LIPA: variants seen among roughly 807,000 people sequenced by gnomAD.
LIPA encodes the protein lipase A, lysosomal acid type.
Under a neutral mutation model 40.6 loss-of-function variants are expected in LIPA, and 26 were observed. The observed-to-expected ratio is 0.64, with a 90% CI of 0.47 to 0.89. LIPA has a LOEUF of 0.89. LIPA is among the 40% of genes least tolerant of loss of function. LIPA has a pLI of 0.00. For synonymous variants in LIPA, 188 were observed against 168.4 expected (o/e 1.12, Z -0.90); for missense variants, 455 against 479.6 (o/e 0.95, Z 0.48).
Position 89,356,840 on chromosome 10 carries a change from G to T in LIPA, c.61+55951C>A, listed in dbSNP as rs148313824. ...CAAAACCAGTCCCTGGTGCCAAAAA[G>T]GTTGGGGATTGCTGCTTGAGGGGTT... On this transcript the variant is annotated intron_variant, in intron 2 of 8. Transcript: ENST00000371837. Among the ~76,000 whole-genome samples, 284 of 152,328 alleles carry T rather than the reference G, an allele frequency of 1.9e-3. 1 individual carries two copies. The highest frequency in any genetic ancestry group is 3.4e-3 in the Middle Eastern group (1 of 294).
chr10:89,353,723 G>A (rs1286603423), intron 2 of LIPA, among the ~76,000 whole-genome samples: 7 of 152,080 alleles, frequency 4.6e-5, no homozygotes, highest in Non-Finnish European at 7.4e-5. Flanking sequence ...GGCAGATCAC[G>A]AGGTCAGAAG....
intron 1 of LIPA, among the ~76,000 whole-genome samples, chr10:89,314,271 G>A (rs1322007479): frequency 6.6e-6 from 1 of 152,194 alleles, no homozygotes; most frequent in Non-Finnish European, 1.5e-5. Flanking sequence ...TCATACGCAG[G>A]AACCTTACTG....
intron 1 of LIPA, among the ~76,000 whole-genome samples, chr10:89,258,269 G>T (rs1278995467): frequency 6.6e-6 from 1 of 152,040 alleles, no homozygotes; most frequent in Non-Finnish European, 1.5e-5. Flanking sequence ...TTAAGTCATA[G>T]AAAAATTAAC....
Position 89,282,628 on chromosome 10 carries a change from G to A in LIPA, c.-1-34979C>T, listed in dbSNP as rs190868816. The stretch of plus-strand genomic sequence containing the variant: ...GCACTCCAGCCTGGGTAACAAGAGC[G>A]AAACTCCGTCTCAAAAAAATAAAAA... On this transcript the variant is annotated intron_variant, in intron 1 of 5. Coordinates refer to the LIPA transcript ENST00000282673. Among the ~76,000 whole-genome samples the A allele has an allele frequency of 4.7e-3, 714 of 151,754 alleles. 4 individuals are homozygous for A. Among genetic ancestry groups the A allele is most frequent in the African/African-American group, 0.016 (681 of 41,340 alleles).
chr10:89,338,435 A>C (rs894066881), intron 1 of LIPA: 1 of 518,160 alleles, frequency 1.9e-6, no homozygotes, highest in Non-Finnish European at 3.4e-6. Flanking sequence ...CCTCAACAGA[A>C]TGGATAATGC....
intron 1 of LIPA, among the ~76,000 whole-genome samples, chr10:89,316,545 G>C (rs1355428730): frequency 6.6e-6 from 1 of 152,234 alleles, no homozygotes; most frequent in African/African-American, 2.4e-5. Context: ...GCTGAGGCTT[G>C]AGTAGGTAAA....
rs1269540620 is a variant in LIPA at position 89,245,681 on chromosome 10, T to C, written c.224A>G (p.Asp75Gly). The C allele has an allele frequency of 6.5e-7, 1 of 1,542,104 alleles. No homozygotes were observed. Among genetic ancestry groups the C allele is most frequent in the Non-Finnish European group, 9.0e-7 (1 of 1,114,670 alleles). ...TTTTAAGAGCCTTCCCATACCTTTGTCAGAATGGTTCTTCCTCCCATGAGG... is the reference window on the plus strand; with the variant it reads ...TTTTAAGAGCCTTCCCATACCTTTGCCAGAATGGTTCTTCCTCCCATGAGG... ...RIPHGRKNHSDKGPKPVVFLQ... is the reference protein window; with the variant it reads ...RIPHGRKNHSGKGPKPVVFLQ... The change falls in exon 3 of 10, where the codon GAC becomes GGC. Residue 75 changes from aspartate to glycine, a missense_variant. Physicochemically the swap from Asp to Gly is moderately conservative, Grantham distance 94 (BLOSUM62 -1). Transcript: ENST00000336233.
At chr10:89,224,847 T>C (rs1242647461) in intron 6 of LIPA, among the ~76,000 whole-genome samples, 1 of 152,134 alleles carries the variant, frequency 6.6e-6, no homozygotes, top group Non-Finnish European at 1.5e-5. Flanking sequence ...CCCTGTGAGG[T>C]GGGCAGAGCT....
chr10:89,365,462 C>A (rs557027008), intron 2 of LIPA, among the ~76,000 whole-genome samples: 3 of 152,126 alleles, frequency 2.0e-5, no homozygotes, highest in Non-Finnish European at 4.4e-5. Flanking sequence ...TAATTAGATC[C>A]CATTTGTCAA....
exon 2 of LIPA, chr10:89,412,878 A>G (rs1343962635): frequency 3.5e-6 from 1 of 288,706 alleles, no homozygotes; most frequent in African/African-American, 2.3e-5. Flanking sequence ...ACTCACAGCG[A>G]GAGTCCGCAG....
At chr10:89,368,790 T>C (rs1287506165) in intron 2 of LIPA, among the ~76,000 whole-genome samples, 2 of 152,084 alleles carry the variant, frequency 1.3e-5, no homozygotes, top group African/African-American at 4.8e-5. Context: ...TTCAAGTTAC[T>C]AAGGATGGAG....
At chr10:89,406,658 AAGTC>A (rs1844536222) in intron 2 of LIPA, among the ~76,000 whole-genome samples, 1 of 152,188 alleles carries the variant, frequency 6.6e-6, no homozygotes, top group Non-Finnish European at 1.5e-5. Flanking sequence ...TTCACTCCTG[AAGTC>A]AGCAAGACCA....
intron 1 of LIPA, among the ~76,000 whole-genome samples, chr10:89,286,941 G>C (rs1191706127): frequency 6.6e-6 from 1 of 152,158 alleles, no homozygotes; most frequent in Non-Finnish European, 1.5e-5. Context: ...AGCATTCCTA[G>C]AGGACCTTCT....
At chr10:89,337,244 A>T (rs11203076) in intron 1 of LIPA, among the ~76,000 whole-genome samples, 8,544 of 152,230 alleles carry the variant, frequency 0.056, 663 homozygotes, top group African/African-American at 0.18. Flanking sequence ...TGGCGGGCAG[A>T]GAAGGTTGGG....
intron 2 of LIPA, among the ~76,000 whole-genome samples, chr10:89,373,378 G>A (rs191908824): frequency 2.2e-4 from 33 of 148,760 alleles, no homozygotes; most frequent in Admixed American, 1.1e-3. Flanking sequence ...GTGGGAGTCA[G>A]CCAGAAAAGT....
At chr10:89,221,220 A>T (rs1011970700) in intron 8 of LIPA, among the ~76,000 whole-genome samples, 26 of 151,464 alleles carry the variant, frequency 1.7e-4, no homozygotes, top group Admixed American at 2.6e-4. Flanking sequence ...TCAATAAAAA[A>T]TTTTTTTTTA....
At chr10:89,370,860 G>A (rs1287187592) in intron 2 of LIPA, among the ~76,000 whole-genome samples, 2 of 151,980 alleles carry the variant, frequency 1.3e-5, no homozygotes, top group Admixed American at 6.6e-5. Flanking sequence ...TACTGAAAAA[G>A]TACAAAAATT....
intron 3 of LIPA, among the ~76,000 whole-genome samples, chr10:89,230,610 C>G (rs1842828852): frequency 6.6e-6 from 1 of 152,154 alleles, no homozygotes; most frequent in African/African-American, 2.4e-5. Context: ...CCAGCCCGAT[C>G]ATGAGTTTTA....
intron 1 of LIPA, among the ~76,000 whole-genome samples, chr10:89,287,175 A>G (rs748949322): frequency 1.2e-4 from 18 of 152,200 alleles, no homozygotes; most frequent in African/African-American, 4.8e-5. Flanking sequence ...GAAGACTGAC[A>G]CTGCCCGATC....
Sources: allele counts gnomAD v4.1 joint callset (sites outside exome capture counted in the v4.1 genomes callset), GRCh38; gene constraint gnomAD v4.1.1; transcripts MANE v1.5; gene names NCBI Gene and HGNC (gene_info 2026-07-23, HGNC 2026-07-21).